Variants in SV2C observed in about 807,000 individuals in gnomAD.
The protein encoded by SV2C is synaptic vesicle glycoprotein 2C.
SV2C carries 49 observed loss-of-function variants against 79.7 expected under a neutral mutation model. That is an observed-to-expected ratio of 0.61 (90% CI 0.49 to 0.78). The LOEUF is 0.78. Ranked by LOEUF, SV2C falls within the 30% of genes least tolerant of loss-of-function variation. SV2C has a pLI of 0.00. For missense variants in SV2C, 833 were observed against 912.9 expected (o/e 0.91, Z 1.13); for synonymous variants, 334 against 333.2 (o/e 1.00, Z -0.03).
At chr5:75,996,546 T>A in the SV2C span, among the ~76,000 whole-genome samples, 1 of 152,180 alleles carries the variant, frequency 6.6e-6, no homozygotes, top group South Asian at 2.1e-4. Context: ...TTGATGGGGA[T>A]GGCATTGAAT....
At chr5:75,921,193 G>A in the SV2C span, 14 of 1,016,100 alleles carry the variant, frequency 1.4e-5, no homozygotes, top group East Asian at 2.4e-5. Flanking sequence ...CGTGGAACTT[G>A]AGCCAGGGGC....
intron 1 of SV2C, among the ~76,000 whole-genome samples, chr5:76,085,979 A>G (rs1747181428): frequency 1.3e-5 from 2 of 152,130 alleles, no homozygotes; most frequent in Admixed American, 1.3e-4. Flanking sequence ...TATGTAATCC[A>G]ATGCCATTAG....
At position 76,326,693 on chromosome 5, in the gene SV2C, C is replaced by T. The variant is rs1003719481; in HGVS notation, c.*1146C>T. 3.9e-5 allele frequency: 6 copies of T among 152,474 alleles called. No individual in the cohort carries two copies. The highest frequency in any genetic ancestry group is 1.2e-4 in the African/African-American group (5 of 41,454). The allele number at this position is 152,474 out of a possible 1,614,324, so 9.4% of individuals were successfully genotyped here. On this transcript the variant is annotated 3_prime_UTR_variant, in exon 13 of 13. Transcript: ENST00000502798. ...CCCACTGCTCAATGCGCTCCTGGCT[C>T]CCTGTAAAATCACAGCCCGCCTGCA...
At chr5:76,195,277 G>T (rs1004182087) in intron 3 of SV2C, among the ~76,000 whole-genome samples, 178 bp downstream of exon 3, 7 of 152,192 alleles carry the variant, frequency 4.6e-5, no homozygotes, top group African/African-American at 1.4e-4. Flanking sequence ...TTAAATACAG[G>T]ACAGAAGGGA....
chr5:76,279,062 A>G (rs1747105174), intron 4 of SV2C, among the ~76,000 whole-genome samples: 1 of 152,178 alleles, frequency 6.6e-6, no homozygotes, highest in African/African-American at 2.4e-5. Flanking sequence ...ATTGTGAGGG[A>G]AAAAGAAGAT....
chr5:76,289,234 AT>A (rs1346786182), intron 6 of SV2C, among the ~76,000 whole-genome samples: 2 of 152,116 alleles, frequency 1.3e-5, no homozygotes, highest in Admixed American at 1.3e-4. Context: ...CTTACCTTAA[AT>A]ATTGTTTTCG....
At chr5:76,258,881 T>C (rs1746379498) in intron 4 of SV2C, among the ~76,000 whole-genome samples, 2 of 152,214 alleles carry the variant, frequency 1.3e-5, no homozygotes, top group South Asian at 2.1e-4. Context: ...GTTCTGCCCA[T>C]TCTTGAACTT....
At chr5:75,995,677 G>A in the SV2C span, among the ~76,000 whole-genome samples, 71,012 of 151,392 alleles carry the variant, frequency 0.47, 17,314 homozygotes, top group Middle Eastern at 0.64. Context: ...GCTTTGACTC[G>A]ATCTAAGTAT....
chr5:76,020,289 T>C, the SV2C span, among the ~76,000 whole-genome samples: 2 of 152,292 alleles, frequency 1.3e-5, no homozygotes, highest in East Asian at 3.9e-4. Flanking sequence ...CAAATCCATC[T>C]ACACTGGGCA....
At chr5:75,916,623 C>T in the SV2C span, among the ~76,000 whole-genome samples, 2 of 152,218 alleles carry the variant, frequency 1.3e-5, no homozygotes, top group South Asian at 2.1e-4. Flanking sequence ...TACAGGCACA[C>T]ACCACCACAT....
the SV2C span, among the ~76,000 whole-genome samples, chr5:75,978,172 ATTCCAT>A: frequency 6.6e-6 from 1 of 152,110 alleles, no homozygotes; most frequent in Non-Finnish European, 1.5e-5. Flanking sequence ...TCCTGTTCTT[ATTCCAT>A]CTATCAACAG....
chr5:75,921,085 A>T, the SV2C span: 2 of 778,168 alleles, frequency 2.6e-6, no homozygotes, highest in Non-Finnish European at 4.4e-6. Context: ...GGATGGGGCC[A>T]AACTCCTGGG....
the SV2C span, among the ~76,000 whole-genome samples, chr5:75,892,973 A>G: frequency 1.8e-3 from 279 of 152,138 alleles, 2 homozygotes; most frequent in African/African-American, 6.1e-3. Flanking sequence ...TGGTAGCTCT[A>G]TTTTTAGTTC....
chr5:75,967,820 G>A, the SV2C span, among the ~76,000 whole-genome samples: 1 of 152,226 alleles, frequency 6.6e-6, no homozygotes, highest in African/African-American at 2.4e-5. Context: ...TTTGAAGAGA[G>A]TAGTGGTTCT....
the SV2C span, among the ~76,000 whole-genome samples, chr5:75,929,358 C>A: frequency 6.6e-6 from 1 of 152,054 alleles, no homozygotes; most frequent in Non-Finnish European, 1.5e-5. Flanking sequence ...CAGCCCAGCC[C>A]CCTTCCAGAT....
At chr5:75,876,621 G>A in the SV2C span, among the ~76,000 whole-genome samples, 18,929 of 151,972 alleles carry the variant, frequency 0.12, 1,391 homozygotes, top group African/African-American at 0.22. Context: ...TAATAACAAC[G>A]GGGTATAGTT....
chr5:76,120,024 C>A (rs999085361), intron 1 of SV2C, among the ~76,000 whole-genome samples: 9 of 152,056 alleles, frequency 5.9e-5, no homozygotes, highest in Non-Finnish European at 1.2e-4. Flanking sequence ...GTTTTCATGA[C>A]AAAGAAATAT....
chr5:76,131,228 C>T (rs941246389), intron 1 of SV2C, among the ~76,000 whole-genome samples: 4 of 152,136 alleles, frequency 2.6e-5, no homozygotes, highest in African/African-American at 9.7e-5. Flanking sequence ...TAGGATTCTT[C>T]TAATACTCTG....
intron 4 of SV2C, among the ~76,000 whole-genome samples, chr5:76,251,967 A>G (rs576745049): frequency 6.6e-6 from 1 of 152,346 alleles, no homozygotes; most frequent in Admixed American, 6.5e-5. Context: ...AAGCCTGCAG[A>G]CAAGCCCAAA....
Sources: allele counts gnomAD v4.1 joint callset (sites outside exome capture counted in the v4.1 genomes callset), GRCh38; gene constraint gnomAD v4.1.1; transcripts MANE v1.5; gene names NCBI Gene and HGNC (gene_info 2026-07-23, HGNC 2026-07-21).